Variants in PRKCB observed in about 807,000 individuals in gnomAD.
PRKCB encodes protein kinase C beta type.
Under a neutral mutation model 81.5 loss-of-function variants are expected in PRKCB, and 13 were observed. The observed-to-expected ratio is 0.16, with a 90% CI of 0.10 to 0.25. PRKCB has a LOEUF of 0.25. Among genes scored for constraint, PRKCB ranks in the 10% least tolerant of loss-of-function variants. PRKCB has a pLI of 1.00. For synonymous variants in PRKCB, 335 were observed against 321.4 expected (o/e 1.04, Z -0.45); for missense variants, 509 against 875.7 (o/e 0.58, Z 5.29).
chr16:23,845,313 A>G (rs1235673967), intron 2 of PRKCB, among the ~76,000 whole-genome samples: 1 of 152,088 alleles, frequency 6.6e-6, no homozygotes, highest in Non-Finnish European at 1.5e-5. Context: ...CCGGGAGAAT[A>G]TATAATGGGA....
At chr16:23,924,648 C>A (rs1248931088) in intron 2 of PRKCB, among the ~76,000 whole-genome samples, 1 of 152,018 alleles carries the variant, frequency 6.6e-6, no homozygotes, top group African/African-American at 2.4e-5. Context: ...GATATCTCTA[C>A]ATCCTGATCC....
intron 2 of PRKCB, among the ~76,000 whole-genome samples, chr16:23,941,422 T>C (rs1242302136): frequency 6.6e-6 from 1 of 152,176 alleles, no homozygotes; most frequent in Non-Finnish European, 1.5e-5. Context: ...CCTAGCATCA[T>C]ACATACACAA....
At chr16:24,103,941 G>A (rs1327866210) in intron 7 of PRKCB, among the ~76,000 whole-genome samples, 2 of 152,214 alleles carry the variant, frequency 1.3e-5, no homozygotes, top group Non-Finnish European at 2.9e-5. Context: ...GAATAGCTGG[G>A]ATTACAGGCA....
chr16:24,105,041 C>T (rs1375123566), intron 7 of PRKCB, among the ~76,000 whole-genome samples: 3 of 146,760 alleles, frequency 2.0e-5, no homozygotes, highest in East Asian at 2.0e-4. Context: ...GTGTAACAAG[C>T]GGCACGTTGT....
chr16:24,069,428 T>C (rs537073601), intron 5 of PRKCB, among the ~76,000 whole-genome samples: 1 of 152,182 alleles, frequency 6.6e-6, no homozygotes, highest in Non-Finnish European at 1.5e-5. Context: ...AGCAGTGCTG[T>C]GCTGTGTATA....
chr16:24,033,353 A>G (rs981476957), intron 4 of PRKCB, among the ~76,000 whole-genome samples: 2 of 152,192 alleles, frequency 1.3e-5, no homozygotes, highest in Non-Finnish European at 2.9e-5. Flanking sequence ...ACACAGATGC[A>G]GGGGAAAGAT....
At chr16:24,173,183 T>G (rs1967471012) in intron 11 of PRKCB, among the ~76,000 whole-genome samples, 1 of 152,210 alleles carries the variant, frequency 6.6e-6, no homozygotes, top group African/African-American at 2.4e-5. Flanking sequence ...ATGGGGAGAC[T>G]GATTCTGGGT....
rs568315453 is a variant in PRKCB, at chr16:23,902,038, T to C, written c.205+64632T>C. 2.1e-4 allele frequency among the ~76,000 whole-genome samples: 32 copies of C among 152,196 alleles called. No homozygotes were observed. In the East Asian group the frequency reaches 5.4e-3, roughly 26 times the overall value. On this transcript the variant is annotated intron_variant, in intron 2 of 16. Coordinates refer to ENST00000643927, the MANE Select transcript of PRKCB (RefSeq NM_002738.7). Reference sequence around the variant, plus strand: ...ACTTGATGGCAGTTGTAGGTCTGGGTCTGTTGGAATTTTTACCCCCAGGAA... The same window carrying C: ...ACTTGATGGCAGTTGTAGGTCTGGGCCTGTTGGAATTTTTACCCCCAGGAA...
At chr16:24,158,083 T>G (rs933774909) in intron 10 of PRKCB, among the ~76,000 whole-genome samples, 3 of 152,086 alleles carry the variant, frequency 2.0e-5, no homozygotes, top group African/African-American at 7.2e-5. Context: ...CTCTAGGGAT[T>G]GTATCGATTG....
chr16:23,934,739 G>A (rs1301533617), intron 2 of PRKCB, among the ~76,000 whole-genome samples: 1 of 152,116 alleles, frequency 6.6e-6, no homozygotes, highest in East Asian at 1.9e-4. Flanking sequence ...GGCACTAGAG[G>A]GTGGAATTTG....
In PRKCB at chr16:24,220,196, C is replaced by T. The variant is rs1010609381; in HGVS notation, c.*5380C>T. The T allele has an allele frequency of 6.0e-5, 91 of 1,520,270 alleles. No homozygotes were observed. The highest frequency in any genetic ancestry group is 5.2e-4 in the Middle Eastern group (3 of 5,786). The allele number at this position is 1,520,270 out of a possible 1,614,324, so 94.2% of individuals were successfully genotyped here. ...ATCAATTCTAGTCTTCCAGGATTCA[C>T]GGTGCACATGCTGGCATTCAACATG... On this transcript the variant is annotated 3_prime_UTR_variant, in exon 17 of 17. Transcript: ENST00000643927.
At chr16:23,957,735 A>G (rs1448434022) in intron 2 of PRKCB, among the ~76,000 whole-genome samples, 1 of 150,946 alleles carries the variant, frequency 6.6e-6, no homozygotes, top group East Asian at 2.0e-4. Context: ...TCTGGCCATC[A>G]CCAGGGTACT....
rs62030652 is a variant in PRKCB at position 23,863,228 on chromosome 16, G to A, written c.205+25822G>A. On this transcript the variant is annotated intron_variant, in intron 2 of 16. Transcript: ENST00000643927. ...TGTGTATATATACATACATATATAT[G>A]TGTATATATATACATATATATACAC... is the stretch of plus-strand genomic sequence containing the variant. 2.5e-3 allele frequency among the ~76,000 whole-genome samples: 95 copies of A among 37,832 alleles called. 1 individual carries two copies. The highest frequency in any genetic ancestry group is 6.4e-3 in the East Asian group (6 of 932). 24.8% of individuals were successfully genotyped at this position (37,832 alleles called of 152,430 possible). A position where few individuals can be genotyped will look rare whatever the true frequency, so the allele number is the denominator to read the frequency against.
At chr16:23,881,214 G>T (rs1963100898) in intron 2 of PRKCB, among the ~76,000 whole-genome samples, 1 of 150,580 alleles carries the variant, frequency 6.6e-6, no homozygotes, top group African/African-American at 2.4e-5. Flanking sequence ...GCAGAGCATT[G>T]ACAGGGCCCT....
At chr16:24,009,426 A>ATTTTTT (rs550009011) in intron 3 of PRKCB, among the ~76,000 whole-genome samples, 1 of 139,840 alleles carries the variant, frequency 7.2e-6, no homozygotes. Flanking sequence ...TAGGATGACT[A>ATTTTTT]TTTTTTTTTT....
Position 24,216,898 on chromosome 16 carries a change from T to C in PRKCB, c.*2082T>C, listed in dbSNP as rs1396879847. 1 of 985,292 alleles carries C rather than the reference T, an allele frequency of 1.0e-6. No homozygotes were observed. The highest frequency in any genetic ancestry group is 1.2e-6 in the Non-Finnish European group (1 of 829,946). 61.0% of individuals were successfully genotyped at this position (985,292 alleles called of 1,614,324 possible). On this transcript the variant is annotated 3_prime_UTR_variant, in exon 17 of 17. Coordinates refer to ENST00000643927, the MANE Select transcript of PRKCB (RefSeq NM_002738.7). ...GTCCTGTCCAGAAAGTGCAGGGTGC[T>C]TTCTGCTCTGTAGCAAGGCAGCAGA...
At chr16:23,996,645 A>T (rs903664541) in intron 3 of PRKCB, among the ~76,000 whole-genome samples, 1 of 152,204 alleles carries the variant, frequency 6.6e-6, no homozygotes, top group African/African-American at 2.4e-5. Flanking sequence ...GACTTAGAGC[A>T]TGCTTTATTC....
intron 5 of PRKCB, among the ~76,000 whole-genome samples, chr16:24,068,291 T>G (rs1596535270): frequency 6.6e-6 from 1 of 152,136 alleles, no homozygotes; most frequent in East Asian, 1.9e-4. Context: ...AGCGTTGAGT[T>G]CACTTCTCTG....
chr16:23,925,752 T>C (rs1205997609), intron 2 of PRKCB, among the ~76,000 whole-genome samples: 1 of 152,060 alleles, frequency 6.6e-6, no homozygotes, highest in African/African-American at 2.4e-5. Flanking sequence ...CCTGTACTCA[T>C]TAAGTGATTT....
Sources: allele counts gnomAD v4.1 joint callset (sites outside exome capture counted in the v4.1 genomes callset), GRCh38; gene constraint gnomAD v4.1.1; transcripts MANE v1.5; gene names NCBI Gene and HGNC (gene_info 2026-07-23, HGNC 2026-07-21).